Variants in ABCB4 observed in about 807,000 individuals in gnomAD.
ABCB4 encodes the protein ATP binding cassette subfamily B member 4.
A neutral mutation model predicts 145.7 loss-of-function variants in ABCB4; 76 were observed. The observed-to-expected ratio is 0.52, with a 90% CI of 0.43 to 0.63. ABCB4 has a LOEUF of 0.63. Ranked by LOEUF, ABCB4 falls within the 30% of genes least tolerant of loss-of-function variation. The pLI is 0.00. For synonymous variants in ABCB4, 517 were observed against 566.8 expected, an observed-to-expected ratio of 0.91 and a Z score of 1.25; for missense variants, 1,234 against 1,553.1, an observed-to-expected ratio of 0.79 and a Z score of 3.45.
In ABCB4 at chr7:87,443,359, A is replaced by G; in HGVS notation, c.1316T>C (p.Val439Ala). The G allele has an allele frequency of 1.2e-6, 2 of 1,614,004 alleles. No homozygotes were observed. The highest frequency in any genetic ancestry group is 1.7e-6 in the Non-Finnish European group (2 of 1,179,978). Residue 439 changes from valine to alanine, a missense_variant, in exon 12 of 28, where the codon GTC (valine) becomes GCC (alanine). Val to Ala is a moderately conservative substitution (Grantham distance 64, BLOSUM62 0). Coordinates refer to ENST00000649586, the MANE Select transcript of ABCB4 (RefSeq NM_000443.4). ...GSSGCGKSTT[V>A]QLIQRLYDPD... is the part of the protein sequence containing the mutation. ...GTCATAGAGCCTCTGTATCAGCTGG[A>G]CCGTTGTGCTCTTCCCACAGCCACT... is the stretch of plus-strand genomic sequence containing the variant.
chr7:87,381,991 A>G, the ABCB4 span: 1 of 1,600,520 alleles, frequency 6.2e-7, no homozygotes, highest in Non-Finnish European at 8.6e-7. Flanking sequence ...AGGAAGATGG[A>G]AGGTATGTTT....
At chr7:87,400,067 A>G (rs570234864), downstream of ABCB4, among the ~76,000 whole-genome samples, 4 of 152,224 alleles carry the variant, frequency 2.6e-5, no homozygotes, top group African/African-American at 9.6e-5. Context: ...CTGATCATCT[A>G]GTATTCAGAA....
chr7:87,380,148 G>A, the ABCB4 span, among the ~76,000 whole-genome samples: 20 of 98,450 alleles, frequency 2.0e-4, no homozygotes, highest in African/African-American at 5.0e-4. Flanking sequence ...CATATGTACT[G>A]TAAAATAAAG....
chr7:87,393,481 G>T, the ABCB4 span, among the ~76,000 whole-genome samples: 3 of 152,132 alleles, frequency 2.0e-5, no homozygotes, highest in African/African-American at 7.2e-5. Context: ...TTTTAAAACA[G>T]TTTTACCAAT....
the ABCB4 span, among the ~76,000 whole-genome samples, chr7:87,388,585 G>GA: frequency 1.3e-5 from 2 of 152,156 alleles, no homozygotes; most frequent in Non-Finnish European, 2.9e-5. Context: ...GCAGAAAACT[G>GA]AAACTGGACC....
intron 3 of ABCB4, 49 bp from the exon 4 acceptor site, chr7:87,462,957 C>T: frequency 1.3e-6 from 2 of 1,521,600 alleles, no homozygotes; most frequent in Non-Finnish European, 1.8e-6. Context: ...GGAATTTCTC[C>T]TCTTCCATAA....
At chr7:87,431,696 G>T in intron 14 of ABCB4, 131 bp from the exon 15 acceptor site, 1 of 1,243,276 alleles carries the variant, frequency 8.0e-7, no homozygotes, top group Non-Finnish European at 1.2e-6. Flanking sequence ...AGATCTCTGC[G>T]TGATTATGGC....
At chr7:87,452,881 T>C (rs186313352) in intron 6 of ABCB4, 63 bp downstream of exon 6, 338 of 1,545,158 alleles carry the variant, frequency 2.2e-4, no homozygotes, top group Middle Eastern at 5.1e-4. Context: ...AAATCTTTCC[T>C]TGACATATTT....
chr7:87,467,173 C>T (rs1025372122), intron 3 of ABCB4, among the ~76,000 whole-genome samples: 1 of 152,070 alleles, frequency 6.6e-6, no homozygotes, highest in African/African-American at 2.4e-5. Flanking sequence ...TGCAGAGACA[C>T]ACATAGGCTC....
chr7:87,413,787 G>C (rs936906709), intron 21 of ABCB4, 70 bp from the exon 22 acceptor site: 20 of 1,081,488 alleles, frequency 1.8e-5, no homozygotes, highest in Non-Finnish European at 2.6e-5. Flanking sequence ...ATAAGCCCTA[G>C]GGCTCTGTCA....
intron 23 of ABCB4, among the ~76,000 whole-genome samples, chr7:87,411,602 C>T (rs1292227404): frequency 6.6e-6 from 1 of 152,090 alleles, no homozygotes; most frequent in Non-Finnish European, 1.5e-5. Flanking sequence ...TTTTTTCTGC[C>T]TATATTCTAT....
At chr7:87,458,833 C>T (rs920282286) in intron 4 of ABCB4, among the ~76,000 whole-genome samples, 1 of 151,934 alleles carries the variant, frequency 6.6e-6, no homozygotes, top group Non-Finnish European at 1.5e-5. Flanking sequence ...CGGAGGCTAC[C>T]AAAACAAAGT....
intron 6 of ABCB4, 49 bp downstream of exon 6, chr7:87,452,895 C>T (rs991999182): frequency 6.4e-6 from 10 of 1,570,740 alleles, no homozygotes; most frequent in Non-Finnish European, 8.8e-6. Context: ...CATATTTTCA[C>T]ACAGTAATTA....
chr7:87,463,931 T>C (rs988448), intron 3 of ABCB4, among the ~76,000 whole-genome samples: 13,288 of 152,234 alleles, frequency 0.087, 961 homozygotes, highest in African/African-American at 0.19. Context: ...TTTATGGCTC[T>C]CTTTCTCTTT....
At chr7:87,469,288 A>G (rs1813183432) in intron 3 of ABCB4, among the ~76,000 whole-genome samples, 1 of 152,224 alleles carries the variant, frequency 6.6e-6, no homozygotes, top group Non-Finnish European at 1.5e-5. Context: ...GAAAAACTGG[A>G]AGCATTCCCT....
rs1392104877 is a variant in ABCB4, at chr7:87,434,174, C to G, written c.1732-2609G>C. Among the ~76,000 whole-genome samples the G allele has an allele frequency of 2.0e-5, 3 of 147,704 alleles. No individual in the cohort carries two copies. In the East Asian group the frequency reaches 6.1e-4, roughly 30 times the overall value. ...GGCCAGGATGGTCTCAATCTCCTGA[C>G]CTCGTGATCCGCCAGCCTCAGCATC... On this transcript the variant is annotated intron_variant, in intron 14 of 27. Transcript: ENST00000649586.
chr7:87,398,373 A>T (rs749723164), downstream of ABCB4: 14 of 902,708 alleles, frequency 1.6e-5, no homozygotes, highest in African/African-American at 1.8e-4. Flanking sequence ...ATATGGCTTT[A>T]CCTTCAATTG....
the ABCB4 span, among the ~76,000 whole-genome samples, chr7:87,368,092 G>T: frequency 3.9e-5 from 6 of 152,104 alleles, no homozygotes; most frequent in Non-Finnish European, 8.8e-5. Context: ...TCTCTGTGCC[G>T]CAGCTGCACT....
chr7:87,396,766 C>T (rs1310575578), downstream of ABCB4, among the ~76,000 whole-genome samples: 2 of 151,844 alleles, frequency 1.3e-5, no homozygotes, highest in South Asian at 2.1e-4. Context: ...TGGCATAAGA[C>T]TATAATTATA....
Sources: gnomAD v4.1 joint callset for allele counts (sites outside exome capture counted in the v4.1 genomes callset) on GRCh38, gnomAD v4.1.1 for gene constraint, MANE v1.5 for transcripts, NCBI Gene and HGNC (gene_info 2026-07-23, HGNC 2026-07-21) for gene names.